The following DLGAP1 variants were observed in gnomAD, a reference collection of about 807,000 sequenced individuals.
DLGAP1 encodes the protein disks large-associated protein 1.
DLGAP1 carries 11 observed loss-of-function variants against 90.8 expected under a neutral mutation model. The ratio of observed to expected loss-of-function variants is 0.12; its 90% CI spans 0.08 to 0.20. DLGAP1 has a LOEUF of 0.20. Among genes scored for constraint, DLGAP1 ranks in the 10% least tolerant of loss-of-function variants. The probability of loss-of-function intolerance (pLI) is 1.00; values close to 1 mark genes in which losing one functional copy is unlikely to be tolerated. For synonymous variants in DLGAP1, 558 were observed against 540.7 expected, an observed-to-expected ratio of 1.03 and a Z score of -0.44; for missense variants, 1,050 against 1,333.8, an observed-to-expected ratio of 0.79 and a Z score of 3.31.
At chr18:4,307,840 C>T (rs563880802) in intron 1 of DLGAP1, among the ~76,000 whole-genome samples, 123 of 151,368 alleles carry the variant, frequency 8.1e-4, no homozygotes, top group Non-Finnish European at 1.4e-3. Flanking sequence ...CTCAGCCTCT[C>T]GAGTTGCTGG....
chr18:4,444,676 C>T (rs1173786543), intron 1 of DLGAP1, among the ~76,000 whole-genome samples: 3 of 152,068 alleles, frequency 2.0e-5, no homozygotes, highest in Non-Finnish European at 4.4e-5. Context: ...CATGACTAGA[C>T]AAGTAATTTT....
intron 2 of DLGAP1, among the ~76,000 whole-genome samples, chr18:4,125,573 ACAT>A (rs1327227125): frequency 6.6e-6 from 1 of 152,162 alleles, no homozygotes; most frequent in Admixed American, 6.5e-5. Context: ...TCTGCATGAG[ACAT>A]GGTCAGGGCC....
intron 3 of DLGAP1, among the ~76,000 whole-genome samples, chr18:3,965,188 C>T (rs933907330): frequency 6.6e-6 from 1 of 152,140 alleles, no homozygotes; most frequent in Admixed American, 6.5e-5. Flanking sequence ...CACTGAACAA[C>T]ACCACAAAGC....
intron 4 of DLGAP1, among the ~76,000 whole-genome samples, chr18:3,853,379 G>GT (rs1267865331): frequency 1.3e-5 from 2 of 152,088 alleles, no homozygotes; most frequent in Non-Finnish European, 2.9e-5. Flanking sequence ...ATGATTGGAT[G>GT]TAAGACAGTA....
At chr18:3,881,729 C>T (rs560189964) in intron 3 of DLGAP1, among the ~76,000 whole-genome samples, 46 of 152,122 alleles carry the variant, frequency 3.0e-4, no homozygotes, top group African/African-American at 8.4e-4. Context: ...CTGGCTAACA[C>T]GGTGAAACCC....
At chr18:3,696,479 G>A (rs1178824078) in intron 7 of DLGAP1, among the ~76,000 whole-genome samples, 1 of 152,186 alleles carries the variant, frequency 6.6e-6, no homozygotes, top group Non-Finnish European at 1.5e-5. Flanking sequence ...CATTGGTTCT[G>A]TTTATGTGAT....
At chr18:4,283,038 G>A (rs2079591893) in intron 1 of DLGAP1, among the ~76,000 whole-genome samples, 1 of 152,140 alleles carries the variant, frequency 6.6e-6, no homozygotes, top group Non-Finnish European at 1.5e-5. Context: ...ATGACAAAAT[G>A]AATGGGACAG....
At chr18:4,047,623 T>G (rs935610625) in intron 2 of DLGAP1, among the ~76,000 whole-genome samples, 4 of 152,174 alleles carry the variant, frequency 2.6e-5, no homozygotes, top group African/African-American at 9.7e-5. Flanking sequence ...CAGTTGTTAC[T>G]TTTAGTCCAT....
intron 11 of DLGAP1, among the ~76,000 whole-genome samples, chr18:3,503,907 C>A (rs1219104083): frequency 6.6e-6 from 1 of 152,126 alleles, no homozygotes; most frequent in African/African-American, 2.4e-5. Context: ...ACCAGCCTGG[C>A]CAACATGGCA....
rs778558773 is a variant in DLGAP1 at position 3,964,544 on chromosome 18, T to A, written c.-73+40572A>T. On this transcript the variant is annotated intron_variant, in intron 3 of 12. Coordinates refer to ENST00000315677, the MANE Select transcript of DLGAP1 (RefSeq NM_004746.4). ...AGGGCATAAGGCTGGAGATACGAGA[T>A]GGGAATCTTCGCTAGGAGTTGTCGC... Among the ~76,000 whole-genome samples the A allele has an allele frequency of 2.5e-4, 38 of 150,996 alleles. 1 individual carries two copies. Among genetic ancestry groups the A allele is most frequent in the Admixed American group, 6.6e-4 (10 of 15,076 alleles).
At chr18:3,681,556 GA>G (rs1323775706) in intron 7 of DLGAP1, among the ~76,000 whole-genome samples, 2 of 152,076 alleles carry the variant, frequency 1.3e-5, no homozygotes, top group Admixed American at 6.6e-5. Context: ...GATATTGCTG[GA>G]AAAAAATCTG....
intron 3 of DLGAP1, among the ~76,000 whole-genome samples, chr18:3,908,725 T>G (rs1015479753): frequency 6.6e-6 from 1 of 152,220 alleles, no homozygotes; most frequent in Non-Finnish European, 1.5e-5. Flanking sequence ...ATGATAAGAT[T>G]AGCAGGTAAC....
chr18:4,179,477 T>G (rs1436709594), intron 1 of DLGAP1, among the ~76,000 whole-genome samples: 1 of 152,196 alleles, frequency 6.6e-6, no homozygotes, highest in African/African-American at 2.4e-5. Flanking sequence ...ATTATTGTTC[T>G]TATTGATTCA....
Position 4,321,473 on chromosome 18 carries a change from A to G in DLGAP1, c.-267+133533T>C, listed in dbSNP as rs897451561. ...GTGAAAAACACCAGAGTGGCTTCAC[A>G]TAGTACTGGAAAGTTTATCTCTAGC... On this transcript the variant is annotated intron_variant, in intron 1 of 12. Coordinates refer to ENST00000315677, the MANE Select transcript of DLGAP1 (RefSeq NM_004746.4). 2.0e-5 allele frequency among the ~76,000 whole-genome samples: 3 copies of G among 152,232 alleles called. No individual in the cohort carries two copies. The East Asian group carries it at 5.8e-4, about 29-fold the overall frequency.
At chr18:4,334,102 G>A (rs1053514843) in intron 1 of DLGAP1, among the ~76,000 whole-genome samples, 1 of 151,482 alleles carries the variant, frequency 6.6e-6, no homozygotes, top group African/African-American at 2.4e-5. Context: ...GCTGGGGGTG[G>A]TGGCACATGC....
chr18:3,650,231 A>T (rs944488959), intron 7 of DLGAP1, among the ~76,000 whole-genome samples: 1 of 152,050 alleles, frequency 6.6e-6, no homozygotes, highest in African/African-American at 2.4e-5. Flanking sequence ...TTTAGTAGAG[A>T]CAGAGTTTCA....
At chr18:3,903,653 G>T (rs202102220) in intron 3 of DLGAP1, among the ~76,000 whole-genome samples, 1 of 152,290 alleles carries the variant, frequency 6.6e-6, no homozygotes, top group Non-Finnish European at 1.5e-5. Context: ...ACTCCACTGG[G>T]TCTAATATTT....
rs1342608231 is a variant in DLGAP1 at position 4,342,525 on chromosome 18, A to C, written c.-267+112481T>G. Among the ~76,000 whole-genome samples, 1 of 152,150 alleles carries C rather than the reference A, an allele frequency of 6.6e-6. No homozygotes were observed. The highest frequency in any genetic ancestry group is 1.5e-5 in the Non-Finnish European group (1 of 68,030). ...GTTACCTCATTGCCCACTTTGAAAG[A>C]CCATATGGTGCATTTACTTGTAAAT... On this transcript the variant is annotated intron_variant, in intron 1 of 12. Transcript: ENST00000315677. This position sits in a 1 kb window ranked among gnomAD's most constrained non-coding sequence, Gnocchi z 5.8.
intron 1 of DLGAP1, among the ~76,000 whole-genome samples, chr18:4,443,066 T>G (rs1381963362): frequency 6.6e-6 from 1 of 152,228 alleles, no homozygotes; most frequent in Non-Finnish European, 1.5e-5. Flanking sequence ...TAGAAAAATT[T>G]GTCAAAAACT....
Sources: gnomAD v4.1 joint callset for allele counts (sites outside exome capture counted in the v4.1 genomes callset) on GRCh38, gnomAD v4.1.1 for gene constraint, Gnocchi (gnomAD v3.1) non-coding constraint, MANE v1.5 for transcripts, NCBI Gene and HGNC (gene_info 2026-07-23, HGNC 2026-07-21) for gene names.